ATP2B2: variants seen among roughly 807,000 people sequenced by gnomAD.
ATP2B2 encodes plasma membrane calcium-transporting ATPase 2.
A neutral mutation model predicts 120.0 loss-of-function variants in ATP2B2; 15 were observed. The ratio of observed to expected loss-of-function variants is 0.12; its 90% CI spans 0.08 to 0.19. The LOEUF (loss-of-function observed/expected upper bound fraction) is 0.19, where lower values mean the gene tolerates loss of function less well. Among genes scored for constraint, ATP2B2 ranks in the 10% least tolerant of loss-of-function variants. ATP2B2 has a pLI of 1.00. For synonymous variants in ATP2B2, 694 were observed against 700.3 expected, an observed-to-expected ratio of 0.99 and a Z score of 0.14; for missense variants, 1,045 against 1,719.8, an observed-to-expected ratio of 0.61 and a Z score of 6.94.
chr3:10,490,411 T>G (rs2065890770), intron 1 of ATP2B2, among the ~76,000 whole-genome samples: 1 of 151,008 alleles, frequency 6.6e-6, no homozygotes, highest in Non-Finnish European at 1.5e-5. Flanking sequence ...TTTTTTTTTT[T>G]TTTTTTCTCT....
At chr3:10,400,852 A>G in intron 5 of ATP2B2, 101 bp downstream of exon 5, 1 of 1,561,998 alleles carries the variant, frequency 6.4e-7, no homozygotes, top group Non-Finnish European at 8.8e-7. Flanking sequence ...ACCAGAGCCA[A>G]GGATCAAAGT....
At chr3:10,683,748 A>G (rs28721455) in intron 1 of ATP2B2, among the ~76,000 whole-genome samples, 2,626 of 57,166 alleles carry the variant, frequency 0.046, 125 homozygotes, top group South Asian at 0.13. Context: ...GTGTATATAT[A>G]TGTGTGTGTG....
chr3:10,360,501 G>A (rs952765304), intron 12 of ATP2B2, among the ~76,000 whole-genome samples: 5 of 151,946 alleles, frequency 3.3e-5, no homozygotes, highest in South Asian at 2.1e-4. Flanking sequence ...AATCCCCTCC[G>A]CAAACCTCTC....
chr3:10,690,432 A>ATATC (rs58646066), intron 1 of ATP2B2, among the ~76,000 whole-genome samples: 43,544 of 148,676 alleles, frequency 0.29, 6,447 homozygotes, highest in Admixed American at 0.33. Flanking sequence ...ATCTATATCT[A>ATATC]TATCTATCTA....
chr3:10,655,287 C>T (rs1474379974), intron 1 of ATP2B2, among the ~76,000 whole-genome samples: 4 of 152,168 alleles, frequency 2.6e-5, no homozygotes, highest in Non-Finnish European at 5.9e-5. Context: ...GATTTGAAAC[C>T]TGTTAAGACA....
Position 10,324,424 on chromosome 3 carries a change from C to G in ATP2B2, c.*4390G>C, listed in dbSNP as rs1318247306. The G allele has an allele frequency of 1.3e-5, 2 of 152,242 alleles. No homozygotes were observed. The highest frequency in any genetic ancestry group is 4.8e-5 in the African/African-American group (2 of 41,436). 9.4% of individuals were successfully genotyped at this position (152,242 alleles called of 1,614,324 possible). ...CTGCTGCCTGGGGCTGGGGACCCTC[C>G]TCCCCCACCTGGGTTGGTATGATCT... On this transcript the variant is annotated 3_prime_UTR_variant, in exon 23 of 23. Coordinates refer to ENST00000360273, the MANE Select transcript of ATP2B2 (RefSeq NM_001001331.4).
intron 3 of ATP2B2, among the ~76,000 whole-genome samples, chr3:10,518,284 C>T (rs1411284298): frequency 6.6e-6 from 1 of 152,200 alleles, no homozygotes; most frequent in African/African-American, 2.4e-5. Flanking sequence ...TTTCCCCTAA[C>T]ACATCAAAGT....
intron 2 of ATP2B2, 46 bp from the exon 3 acceptor site, chr3:10,410,861 G>A (rs1206452165): frequency 3.1e-6 from 5 of 1,589,008 alleles, no homozygotes; most frequent in Non-Finnish European, 4.3e-6. Flanking sequence ...TGGGAGAGAT[G>A]CAGGCATGTT....
In ATP2B2 at chr3:10,515,518, G is replaced by A. The variant is rs183841043; in HGVS notation, c.-320+18521C>T. 8.0e-4 allele frequency among the ~76,000 whole-genome samples: 122 copies of A among 152,242 alleles called. 1 individual carries two copies. In the Middle Eastern group the frequency reaches 0.014, roughly 17 times the overall value. On this transcript the variant is annotated intron_variant, in intron 3 of 21. Transcript: ENST00000646379. ...CCCAAGGGTGGTAACCATTTCCCCTGTGACTTGGTGGGAGCTCTCAGCTGC... is the reference window on the plus strand; with the variant it reads ...CCCAAGGGTGGTAACCATTTCCCCTATGACTTGGTGGGAGCTCTCAGCTGC...
intron 1 of ATP2B2, among the ~76,000 whole-genome samples, chr3:10,500,182 C>G (rs1194668464): frequency 6.6e-6 from 1 of 151,598 alleles, no homozygotes; most frequent in Non-Finnish European, 1.5e-5. Flanking sequence ...AGGTGATCCA[C>G]CTGTCTTGGC....
At chr3:10,614,496 G>T (rs568277928) in intron 2 of ATP2B2, among the ~76,000 whole-genome samples, 1 of 152,176 alleles carries the variant, frequency 6.6e-6, no homozygotes, top group Non-Finnish European at 1.5e-5. Context: ...CAATGCGCCA[G>T]GTCATTTCCT....
intron 2 of ATP2B2, among the ~76,000 whole-genome samples, chr3:10,421,935 T>C (rs2062994960): frequency 6.6e-6 from 1 of 152,228 alleles, no homozygotes; most frequent in Non-Finnish European, 1.5e-5. Flanking sequence ...GCAAGAACAA[T>C]CTGTCCTCAT....
At chr3:10,537,928 A>G (rs1258062332) in intron 2 of ATP2B2, among the ~76,000 whole-genome samples, 1 of 152,222 alleles carries the variant, frequency 6.6e-6, no homozygotes, top group Non-Finnish European at 1.5e-5. Flanking sequence ...TAGCCCGTTA[A>G]TATGGTGGAT....
intron 1 of ATP2B2, among the ~76,000 whole-genome samples, chr3:10,503,633 G>C (rs2066483136): frequency 6.6e-6 from 1 of 152,270 alleles, no homozygotes; most frequent in African/African-American, 2.4e-5. Flanking sequence ...TGCTGCATCT[G>C]TGTGCCTGTG....
intron 2 of ATP2B2, among the ~76,000 whole-genome samples, chr3:10,576,922 C>T (rs374197562): frequency 7.9e-5 from 12 of 151,886 alleles, no homozygotes; most frequent in South Asian, 2.1e-4. Flanking sequence ...GGTATGGTGG[C>T]GGGTGCCTGT....
intron 2 of ATP2B2, among the ~76,000 whole-genome samples, chr3:10,442,832 G>A (rs1438845015): frequency 1.3e-5 from 2 of 152,242 alleles, no homozygotes; most frequent in Non-Finnish European, 2.9e-5. Flanking sequence ...CACCTACCAT[G>A]TGCCAGGCAC....
chr3:10,363,659 G>A (rs934781132), intron 12 of ATP2B2, among the ~76,000 whole-genome samples: 1 of 152,000 alleles, frequency 6.6e-6, no homozygotes, highest in South Asian at 2.1e-4. Flanking sequence ...TGCAAAAATG[G>A]GATTAAGAAA....
chr3:10,558,649 T>C (rs1239033685), intron 2 of ATP2B2, among the ~76,000 whole-genome samples: 1 of 152,148 alleles, frequency 6.6e-6, no homozygotes, highest in African/African-American at 2.4e-5. Flanking sequence ...AGTGGAATAA[T>C]GGAAACCCCC....
rs2060186927 is a variant in ATP2B2, at chr3:10,338,437, C to T, written c.3238-79G>A. 28 of 1,482,990 alleles carry T rather than the reference C, an allele frequency of 1.9e-5. No individual in the cohort carries two copies. In the South Asian group the frequency reaches 3.2e-4, roughly 17 times the overall value. 91.9% of individuals were successfully genotyped at this position (1,482,990 alleles called of 1,614,324 possible). A position where few individuals can be genotyped will look rare whatever the true frequency, so the allele number is the denominator to read the frequency against. On this transcript the variant is annotated intron_variant, in intron 21 of 22. Coordinates refer to ENST00000360273, the MANE Select transcript of ATP2B2 (RefSeq NM_001001331.4). The stretch of plus-strand genomic sequence containing the variant: ...CTCTCCCTGACACCCGCTCCTCTAC[C>T]TCCCTCCTCCTACCCGCTCACCCAG...
Sources: gnomAD v4.1 joint callset for allele counts (sites outside exome capture counted in the v4.1 genomes callset) on GRCh38, gnomAD v4.1.1 for gene constraint, MANE v1.5 for transcripts, NCBI Gene and HGNC (gene_info 2026-07-23, HGNC 2026-07-21) for gene names.